Variants in NAV2 observed in about 807,000 individuals in gnomAD.
NAV2 encodes helicase, APC down-regulated 1.
A neutral mutation model predicts 223.2 loss-of-function variants in NAV2; 54 were observed. That is an observed-to-expected ratio of 0.24 (90% CI 0.19 to 0.30). The LOEUF (loss-of-function observed/expected upper bound fraction) is 0.30. NAV2 is among the 10% of genes least tolerant of loss of function. The probability of loss-of-function intolerance (pLI) is 1.00; values close to 1 mark genes in which losing one functional copy is unlikely to be tolerated. For synonymous variants in NAV2, 1,279 were observed against 1,239.3 expected (o/e 1.03, Z -0.67); for missense variants, 2,806 against 3,147.5 (o/e 0.89, Z 2.60).
At chr11:19,955,602 G>A (rs2047786333) in intron 10 of NAV2, among the ~76,000 whole-genome samples, 2 of 152,166 alleles carry the variant, frequency 1.3e-5, no homozygotes, top group Non-Finnish European at 2.9e-5. Context: ...AGAACTAGGG[G>A]CATTTGCCAT....
chr11:19,694,217 T>C (rs2049263048), intron 1 of NAV2, among the ~76,000 whole-genome samples: 1 of 151,578 alleles, frequency 6.6e-6, no homozygotes. Context: ...AAGGATGAGG[T>C]TTCAGGCAGA....
intron 1 of NAV2, among the ~76,000 whole-genome samples, chr11:19,792,912 TA>T (rs755851956): frequency 0.074 from 10,512 of 141,186 alleles, 407 homozygotes; most frequent in Middle Eastern, 0.14. Flanking sequence ...AGTGAGCCAT[TA>T]AAAAAAAAAA....
intron 12 of NAV2, among the ~76,000 whole-genome samples, chr11:20,038,500 G>T (rs1162185596): frequency 1.3e-5 from 2 of 152,144 alleles, no homozygotes; most frequent in African/African-American, 4.8e-5. Context: ...TCCTGTCCAG[G>T]GAGCATCTCA....
chr11:19,916,941 G>A (rs562655260), intron 6 of NAV2, among the ~76,000 whole-genome samples: 49 of 152,342 alleles, frequency 3.2e-4, no homozygotes, highest in African/African-American at 1.0e-3. Flanking sequence ...AGAATGGGGA[G>A]ATGAGAAGAC....
At chr11:19,823,797 C>T (rs1436475181) in intron 1 of NAV2, among the ~76,000 whole-genome samples, 3 of 152,132 alleles carry the variant, frequency 2.0e-5, no homozygotes, top group Admixed American at 6.5e-5. Flanking sequence ...GGAAGGATAA[C>T]ATTAGAAATA....
chr11:19,528,835 A>G (rs1482087167), intron 1 of NAV2, among the ~76,000 whole-genome samples: 3 of 151,164 alleles, frequency 2.0e-5, no homozygotes, highest in African/African-American at 7.3e-5. Flanking sequence ...GAGGCTGAGG[A>G]AGGAGAATCA....
chr11:19,627,893 G>A (rs1157294767), intron 1 of NAV2, among the ~76,000 whole-genome samples: 2 of 136,656 alleles, frequency 1.5e-5, no homozygotes, highest in East Asian at 4.3e-4. Flanking sequence ...CTCAACCTGA[G>A]CCTTAGTTTC....
At chr11:19,362,526 C>T (rs556516491) in intron 1 of NAV2, among the ~76,000 whole-genome samples, 1 of 152,168 alleles carries the variant, frequency 6.6e-6, no homozygotes, top group Admixed American at 6.5e-5. Context: ...TTGTATACCA[C>T]CAGGAGTACA....
chr11:19,774,628 A>G (rs2055994874), intron 1 of NAV2, among the ~76,000 whole-genome samples: 1 of 152,184 alleles, frequency 6.6e-6, no homozygotes, highest in South Asian at 2.1e-4. Flanking sequence ...AGAGAGAGAC[A>G]CATACCCCAG....
chr11:19,895,404 A>G (rs1448699914), intron 6 of NAV2, among the ~76,000 whole-genome samples: 4 of 152,144 alleles, frequency 2.6e-5, no homozygotes, highest in Admixed American at 2.6e-4. Context: ...CCTGATCTTT[A>G]CAAATATTCT....
chr11:19,849,010 A>G (rs1050904945), intron 3 of NAV2, among the ~76,000 whole-genome samples: 9 of 152,180 alleles, frequency 5.9e-5, no homozygotes, highest in Non-Finnish European at 1.0e-4. Flanking sequence ...AACACCTCGC[A>G]GGGTTACCAT....
chr11:19,689,960 A>G (rs572635612), intron 1 of NAV2, among the ~76,000 whole-genome samples: 1 of 152,254 alleles, frequency 6.6e-6, no homozygotes, highest in African/African-American at 2.4e-5. Flanking sequence ...ATTCATTTAC[A>G]TCTATTTTAT....
At chr11:19,716,624 T>A (rs2050336044) in intron 1 of NAV2, among the ~76,000 whole-genome samples, 1 of 152,162 alleles carries the variant, frequency 6.6e-6, no homozygotes, top group Non-Finnish European at 1.5e-5. Flanking sequence ...TCTAGTACAG[T>A]ACCAGGCAGA....
intron 1 of NAV2, among the ~76,000 whole-genome samples, chr11:19,818,189 T>C (rs1278252111): frequency 6.7e-6 from 1 of 148,864 alleles, no homozygotes; most frequent in Non-Finnish European, 1.5e-5. Flanking sequence ...GGGAAAATAA[T>C]AACTCATGTT....
At chr11:19,944,194 C>T (rs1340915155) in intron 8 of NAV2, among the ~76,000 whole-genome samples, 2 of 152,116 alleles carry the variant, frequency 1.3e-5, no homozygotes, top group Non-Finnish European at 2.9e-5. Context: ...GAGCAAGACT[C>T]TGTCTCAAAA....
chr11:19,621,468 C>G (rs910143780), intron 1 of NAV2, among the ~76,000 whole-genome samples: 3 of 152,172 alleles, frequency 2.0e-5, no homozygotes, highest in Non-Finnish European at 4.4e-5. Context: ...TCAACTTCTT[C>G]CTGGCTTAGT....
At chr11:19,608,742 T>G (rs907416146) in intron 1 of NAV2, among the ~76,000 whole-genome samples, 14 of 152,274 alleles carry the variant, frequency 9.2e-5, no homozygotes, top group African/African-American at 3.4e-4. Flanking sequence ...CTGTTGCTAC[T>G]GTAACAAATT....
chr11:19,351,074 C>T, intron 1 of NAV2: 1 of 1,352,510 alleles, frequency 7.4e-7, no homozygotes, highest in South Asian at 1.3e-5. Context: ...GTGCTGATTG[C>T]TAAGTGTGAT....
At chr11:20,017,409 C>T (rs918577616) in intron 11 of NAV2, among the ~76,000 whole-genome samples, 1 of 151,994 alleles carries the variant, frequency 6.6e-6, no homozygotes, top group Non-Finnish European at 1.5e-5. Flanking sequence ...TGGTTGGTGC[C>T]CTCTCATCTT....
Sources: allele counts gnomAD v4.1 joint callset (sites outside exome capture counted in the v4.1 genomes callset), GRCh38; gene constraint gnomAD v4.1.1; transcripts MANE v1.5; gene names NCBI Gene and HGNC (gene_info 2026-07-23, HGNC 2026-07-21).